The following LGSN variants were observed in gnomAD, a reference collection of about 807,000 sequenced individuals.
LGSN encodes the protein lengsin.
LGSN carries 21 observed loss-of-function variants against 19.5 expected under a neutral mutation model. That is an observed-to-expected ratio of 1.07 (90% CI 0.76 to 1.55). The LOEUF (loss-of-function observed/expected upper bound fraction) is 1.55. Ranked by LOEUF, LGSN falls within the 40% of genes most tolerant of loss-of-function variation. LGSN has a pLI of 0.00. For synonymous variants in LGSN, 257 were observed against 215.6 expected (o/e 1.19, Z -1.68); for missense variants, 673 against 608.5 (o/e 1.11, Z -1.12).
the LGSN span, among the ~76,000 whole-genome samples, chr6:63,443,754 G>T: frequency 1.3e-5 from 2 of 152,134 alleles, no homozygotes; most frequent in African/African-American, 4.8e-5. Context: ...CTTAGTCAGG[G>T]TTTCCTGGTG....
At chr6:63,288,457 G>A (rs923357076) in intron 2 of LGSN, among the ~76,000 whole-genome samples, 1 of 151,090 alleles carries the variant, frequency 6.6e-6, no homozygotes, top group Non-Finnish European at 1.5e-5. Context: ...CACAGTGAAA[G>A]GGCTGGAAAA....
the LGSN span, among the ~76,000 whole-genome samples, chr6:63,461,730 A>G: frequency 6.6e-6 from 1 of 152,200 alleles, no homozygotes; most frequent in Admixed American, 6.5e-5. Context: ...TTCATACCCC[A>G]CGGCCCTGAA....
At chr6:63,454,553 A>G in the LGSN span, among the ~76,000 whole-genome samples, 2 of 147,882 alleles carry the variant, frequency 1.4e-5, no homozygotes, top group Non-Finnish European at 3.0e-5. Context: ...GCTCACTGCA[A>G]CCTCCGCCTC....
chr6:63,548,196 C>T, the LGSN span, among the ~76,000 whole-genome samples: 1 of 152,168 alleles, frequency 6.6e-6, no homozygotes, highest in Non-Finnish European at 1.5e-5. Context: ...CCTACTATAA[C>T]ACTTTCTGCA....
At chr6:63,323,567 C>T (rs1206371148), upstream of LGSN, among the ~76,000 whole-genome samples, 3,624 of 121,696 alleles carry the variant, frequency 0.03, 154 homozygotes, top group African/African-American at 0.099. Flanking sequence ...TATACACACA[C>T]ACACACACAC....
the LGSN span, among the ~76,000 whole-genome samples, chr6:63,332,730 G>A: frequency 2.6e-5 from 4 of 152,246 alleles, no homozygotes; most frequent in Middle Eastern, 3.4e-3. Context: ...AAAGGGGTCC[G>A]ATGGTACTCA....
the LGSN span, among the ~76,000 whole-genome samples, chr6:63,520,890 A>G: frequency 2.6e-5 from 4 of 152,182 alleles, no homozygotes; most frequent in Admixed American, 2.6e-4. Flanking sequence ...ACACCATGGA[A>G]TACTATGCAG....
chr6:63,492,780 G>C, the LGSN span, among the ~76,000 whole-genome samples: 2 of 152,140 alleles, frequency 1.3e-5, no homozygotes, highest in Non-Finnish European at 2.9e-5. Flanking sequence ...AAACACACAG[G>C]TGTAGGTGTA....
At chr6:63,424,847 G>A in the LGSN span, among the ~76,000 whole-genome samples, 1 of 152,098 alleles carries the variant, frequency 6.6e-6, no homozygotes, top group East Asian at 1.9e-4. Flanking sequence ...AGGAGTTCAA[G>A]GCTGCAGTGA....
chr6:63,549,842 T>C, the LGSN span, among the ~76,000 whole-genome samples: 9 of 152,124 alleles, frequency 5.9e-5, no homozygotes, highest in Non-Finnish European at 1.3e-4. Context: ...GGGAGAGATT[T>C]GTTAAAGAAT....
chr6:63,436,208 G>T, the LGSN span, among the ~76,000 whole-genome samples: 1 of 151,986 alleles, frequency 6.6e-6, no homozygotes, highest in African/African-American at 2.4e-5. Flanking sequence ...ATTAGCAAAT[G>T]AAATACTATG....
the LGSN span, among the ~76,000 whole-genome samples, chr6:63,338,032 C>T: frequency 6.6e-6 from 1 of 151,846 alleles, no homozygotes; most frequent in East Asian, 2.0e-4. Flanking sequence ...ATTACAGGTA[C>T]ACACCACCAC....
intron 1 of LGSN, among the ~76,000 whole-genome samples, chr6:63,310,492 A>T (rs1406969834): frequency 2.0e-5 from 3 of 152,120 alleles, no homozygotes; most frequent in Non-Finnish European, 4.4e-5. Context: ...TTCTCTCAGC[A>T]ATTTTTATAT....
At chr6:63,336,519 CTGTGTGTGTGTG>C in the LGSN span, among the ~76,000 whole-genome samples, 2,850 of 132,110 alleles carry the variant, frequency 0.022, 110 homozygotes, top group African/African-American at 0.077. Flanking sequence ...TATAGAATAT[CTGTGTGTGTGTG>C]TGTGTGTGTG....
the LGSN span, among the ~76,000 whole-genome samples, chr6:63,560,835 G>C: frequency 6.6e-6 from 1 of 152,152 alleles, no homozygotes; most frequent in African/African-American, 2.4e-5. Context: ...TTCATAGATT[G>C]GCACCAGTTC....
At chr6:63,408,781 T>C in the LGSN span, among the ~76,000 whole-genome samples, 1 of 151,996 alleles carries the variant, frequency 6.6e-6, no homozygotes, top group Non-Finnish European at 1.5e-5. Context: ...AACCTACTTA[T>C]CTGACAAAGG....
the LGSN span, among the ~76,000 whole-genome samples, chr6:63,460,950 C>T: frequency 1.3e-5 from 2 of 152,204 alleles, no homozygotes; most frequent in Admixed American, 1.3e-4. Flanking sequence ...GCATCAAAGT[C>T]TACACTGAAT....
chr6:63,571,323 C>G, the LGSN span: 1 of 152,110 alleles, frequency 6.6e-6, no homozygotes, highest in Admixed American at 6.5e-5. Context: ...ATCTCATACT[C>G]GGTGAAAATA....
intron 1 of LGSN, among the ~76,000 whole-genome samples, chr6:63,300,449 T>C (rs969740301): frequency 2.0e-5 from 3 of 152,206 alleles, no homozygotes; most frequent in Admixed American, 1.3e-4. Context: ...GGAGCATCAC[T>C]TGACCCCAGG....
Sources: gnomAD v4.1 joint callset for allele counts (sites outside exome capture counted in the v4.1 genomes callset) on GRCh38, gnomAD v4.1.1 for gene constraint, MANE v1.5 for transcripts, NCBI Gene and HGNC (gene_info 2026-07-23, HGNC 2026-07-21) for gene names.